Variants in GPD2 observed in about 807,000 individuals in gnomAD.
GPD2 encodes the protein glycerol-3-phosphate dehydrogenase, mitochondrial.
Under a neutral mutation model 82.4 loss-of-function variants are expected in GPD2, and 54 were observed. The observed-to-expected ratio is 0.66, with a 90% CI of 0.53 to 0.82. GPD2 has a LOEUF of 0.82. Among genes scored for constraint, GPD2 ranks in the 40% least tolerant of loss-of-function variants. GPD2 has a pLI of 0.00. For missense variants in GPD2, 748 were observed against 896.2 expected (o/e 0.83, Z 2.11); for synonymous variants, 288 against 306.1 (o/e 0.94, Z 0.62).
the GPD2 span, among the ~76,000 whole-genome samples, chr2:156,414,265 T>A: frequency 2.0e-5 from 3 of 152,260 alleles, no homozygotes; most frequent in Admixed American, 6.5e-5. Flanking sequence ...TCAGAATTGA[T>A]GTTTTAAAGC....
intron 2 of GPD2, among the ~76,000 whole-genome samples, chr2:156,486,561 G>C (rs1034354984): frequency 3.3e-5 from 5 of 152,182 alleles, no homozygotes; most frequent in Non-Finnish European, 7.3e-5. Flanking sequence ...TTTGGGGAGA[G>C]TCCTTTAGCT....
intron 1 of GPD2, among the ~76,000 whole-genome samples, chr2:156,437,410 A>G (rs1302542294): frequency 6.6e-6 from 1 of 152,156 alleles, no homozygotes; most frequent in African/African-American, 2.4e-5. Flanking sequence ...CTTCGTAGCT[A>G]CTGACCACTC....
At chr2:156,431,291 A>T (rs578009911), upstream of GPD2, among the ~76,000 whole-genome samples, 17 of 152,296 alleles carry the variant, frequency 1.1e-4, no homozygotes, top group Non-Finnish European at 1.8e-4. Flanking sequence ...TCTTCACTAG[A>T]TTGCCTTCTG....
the GPD2 span, among the ~76,000 whole-genome samples, chr2:156,400,532 A>T: frequency 1.1e-4 from 17 of 152,252 alleles, no homozygotes; most frequent in Non-Finnish European, 2.1e-4. Flanking sequence ...CCCGACGTCC[A>T]GCAGAAGTGC....
At position 156,522,673 on chromosome 2, in the gene GPD2, G is replaced by A. The variant is rs948382385; in HGVS notation, c.661+9177G>A. 3.2e-5 allele frequency among the ~76,000 whole-genome samples: 4 copies of A among 125,594 alleles called. No homozygotes were observed. The Admixed American group carries it at 3.7e-4, about 12-fold the overall frequency. 82.4% of individuals were successfully genotyped at this position (125,594 alleles called of 152,430 possible). A position where few individuals can be genotyped will look rare whatever the true frequency, so the allele number is the denominator to read the frequency against. Reference sequence around the variant, plus strand: ...TTTTACATTTGTGTAGCAGAGTGTGGTTTTTTAAGCTTTTTTTTTTTTTTT... The same window carrying A: ...TTTTACATTTGTGTAGCAGAGTGTGATTTTTTAAGCTTTTTTTTTTTTTTT... On this transcript the variant is annotated intron_variant, in intron 6 of 16. Coordinates refer to ENST00000438166, the MANE Select transcript of GPD2 (RefSeq NM_000408.5).
chr2:156,409,874 AG>A, the GPD2 span, among the ~76,000 whole-genome samples: 1 of 152,108 alleles, frequency 6.6e-6, no homozygotes, highest in Non-Finnish European at 1.5e-5. Flanking sequence ...GGATCCCTTG[AG>A]GCCAGGAGTT....
At position 156,513,790 on chromosome 2, in the gene GPD2, C is replaced by T. The variant is rs373470647; in HGVS notation, c.661+294C>T. On this transcript the variant is annotated intron_variant, in intron 6 of 16. Transcript: ENST00000438166. ...CATTATTATGAATTTGGTCCCCACCCTCATGCCATGTAATTTGTTATGTGT... is the reference window on the plus strand; with the variant it reads ...CATTATTATGAATTTGGTCCCCACCTTCATGCCATGTAATTTGTTATGTGT... 2.0e-5 allele frequency among the ~76,000 whole-genome samples: 3 copies of T among 152,148 alleles called. No individual in the cohort carries two copies. The East Asian group carries it at 5.8e-4, about 29-fold the overall frequency.
the GPD2 span, among the ~76,000 whole-genome samples, chr2:156,407,410 T>G: frequency 6.6e-6 from 1 of 152,224 alleles, no homozygotes; most frequent in Non-Finnish European, 1.5e-5. Context: ...GAAATATATA[T>G]CTTGGAAAAT....
At chr2:156,430,924 T>C (rs535758139), upstream of GPD2, among the ~76,000 whole-genome samples, 1 of 152,294 alleles carries the variant, frequency 6.6e-6, no homozygotes, top group African/African-American at 2.4e-5. Context: ...ACTCTCCAAG[T>C]TTGGGAAGGA....
Position 156,578,925 on chromosome 2 carries a change from G to GA in GPD2, c.1807dup (p.Met603AsnfsTer4). The GA allele has an allele frequency of 6.2e-7, 1 of 1,611,116 alleles. No individual in the cohort carries two copies. Among genetic ancestry groups the GA allele is most frequent in the Non-Finnish European group, 8.5e-7 (1 of 1,177,606 alleles). ...AACAGCCAGGAAGTTTCTATATTAT[G>GA]AAATGGGCTATAAATCTCGATCAGA... is the stretch of plus-strand genomic sequence containing the variant. On this transcript the variant is annotated frameshift_variant, in exon 14 of 17. Coordinates refer to ENST00000438166, the MANE Select transcript of GPD2 (RefSeq NM_000408.5). LOFTEE classifies it high-confidence loss of function.
chr2:156,452,428 C>T (rs183760319), intron 1 of GPD2, among the ~76,000 whole-genome samples: 1 of 152,380 alleles, frequency 6.6e-6, no homozygotes, highest in East Asian at 1.9e-4. Flanking sequence ...GCGGCGCGCA[C>T]CTGCAATCGC....
the GPD2 span, among the ~76,000 whole-genome samples, chr2:156,407,224 C>T: frequency 6.6e-6 from 1 of 152,114 alleles, no homozygotes; most frequent in Non-Finnish European, 1.5e-5. Flanking sequence ...TAGAGGAAAC[C>T]ATTGTTATCA....
At chr2:156,403,032 T>G in the GPD2 span, among the ~76,000 whole-genome samples, 1 of 139,002 alleles carries the variant, frequency 7.2e-6, no homozygotes, top group South Asian at 2.3e-4. Context: ...GATGCTCAAG[T>G]GGAAGGCCTG....
chr2:156,419,145 TG>T, the GPD2 span, among the ~76,000 whole-genome samples: 1 of 146,540 alleles, frequency 6.8e-6, no homozygotes, highest in African/African-American at 2.5e-5. Flanking sequence ...TCGCAATCTC[TG>T]CCTCCCGGGT....
At chr2:156,560,036 G>C (rs1309233213) in intron 9 of GPD2, among the ~76,000 whole-genome samples, 1 of 152,234 alleles carries the variant, frequency 6.6e-6, no homozygotes, top group South Asian at 2.1e-4. Context: ...TAGATTGTTG[G>C]AGCAAGATAT....
chr2:156,493,957 T>TGTGTGTGC (rs1170487260), intron 2 of GPD2, among the ~76,000 whole-genome samples: 116 of 127,796 alleles, frequency 9.1e-4, no homozygotes, highest in African/African-American at 3.1e-3. Flanking sequence ...TGTGTGTGTG[T>TGTGTGTGC]GTATAATTTT....
At chr2:156,578,730 A>G (rs1318261468) in intron 13 of GPD2, among the ~76,000 whole-genome samples, 159 bp from the exon 14 acceptor site, 1 of 152,210 alleles carries the variant, frequency 6.6e-6, no homozygotes, top group Non-Finnish European at 1.5e-5. Context: ...ATTTTATTCA[A>G]TATAAATTAT....
At chr2:156,478,884 A>C (rs1333655981) in intron 2 of GPD2, among the ~76,000 whole-genome samples, 1 of 152,170 alleles carries the variant, frequency 6.6e-6, no homozygotes, top group Non-Finnish European at 1.5e-5. Flanking sequence ...TATTAAGAAT[A>C]AGTTAGTTTT....
At chr2:156,401,173 C>T in the GPD2 span, among the ~76,000 whole-genome samples, 355 of 152,264 alleles carry the variant, frequency 2.3e-3, 1 homozygote, top group Non-Finnish European at 3.9e-3. Flanking sequence ...CGAACCCGGG[C>T]CTCCCGCGTG....
Sources: gnomAD v4.1 joint callset for allele counts (sites outside exome capture counted in the v4.1 genomes callset) on GRCh38, gnomAD v4.1.1 for gene constraint, MANE v1.5 for transcripts, NCBI Gene and HGNC (gene_info 2026-07-23, HGNC 2026-07-21) for gene names.